Variants in NEBL observed in about 807,000 individuals in gnomAD.
NEBL encodes the protein LIM and SH3 protein 2.
Under a neutral mutation model 140.2 loss-of-function variants are expected in NEBL, and 122 were observed. The ratio of observed to expected loss-of-function variants is 0.87; its 90% CI spans 0.75 to 1.01. The LOEUF is 1.01. Ranked by LOEUF, NEBL falls within the 50% of genes least tolerant of loss-of-function variation. The pLI, the probability that NEBL is intolerant of heterozygous loss-of-function variation, is 0.00. For missense variants in NEBL, 1,365 were observed against 1,231.3 expected (o/e 1.11, Z -1.62); for synonymous variants, 436 against 398.9 (o/e 1.09, Z -1.11).
chr10:21,156,816 T>C (rs1840354011), intron 2 of NEBL, among the ~76,000 whole-genome samples: 1 of 152,206 alleles, frequency 6.6e-6, no homozygotes, highest in South Asian at 2.1e-4. Context: ...AATATTAAGA[T>C]TATAAATCTT....
chr10:20,919,423 A>T (rs1218787105), intron 4 of NEBL, among the ~76,000 whole-genome samples: 1 of 152,162 alleles, frequency 6.6e-6, no homozygotes. Context: ...ATGTTTCTAT[A>T]ATCATGGGAA....
chr10:21,140,654 C>T (rs1839586646), intron 2 of NEBL, among the ~76,000 whole-genome samples: 1 of 152,022 alleles, frequency 6.6e-6, no homozygotes. Context: ...AAAATAAAAT[C>T]ACACAATGAA....
In NEBL at chr10:20,812,815, G is replaced by C. The variant is rs760404070; in HGVS notation, c.2472C>G (p.Val824=). ...TGTCCATCTCCACGATGTGAGGGTG[G>C]ACCCCTTTATAGGCAGCATCGCTGA... ...QVVSDAAYKG[V]HPHIVEMDRR... is the part of the protein sequence containing the mutation. The change falls in exon 24 of 28, where the codon GTC becomes GTG. Residue 824 remains valine (V), a synonymous_variant. Transcript: ENST00000377122. 1 of 1,613,830 alleles carries C rather than the reference G, an allele frequency of 6.2e-7. No individual in the cohort carries two copies. The highest frequency in any genetic ancestry group is 8.5e-7 in the Non-Finnish European group (1 of 1,179,946).
At chr10:21,027,029 C>T (rs1178092996) in intron 2 of NEBL, among the ~76,000 whole-genome samples, 2 of 152,158 alleles carry the variant, frequency 1.3e-5, no homozygotes, top group Admixed American at 6.5e-5. Context: ...AGGAGTTAAG[C>T]GCATCTTGTG....
chr10:21,131,511 A>C (rs1288388203), intron 2 of NEBL, among the ~76,000 whole-genome samples: 2 of 152,178 alleles, frequency 1.3e-5, no homozygotes, highest in Non-Finnish European at 2.9e-5. Context: ...GTACAAATAA[A>C]TAAATAAACA....
intron 4 of NEBL, among the ~76,000 whole-genome samples, chr10:20,936,701 CTG>C (rs907306899): frequency 6.6e-5 from 10 of 152,222 alleles, no homozygotes; most frequent in Non-Finnish European, 1.3e-4. Flanking sequence ...GCAGTGTTTT[CTG>C]TGTTTCAATT....
At chr10:21,248,984 T>C (rs547600265) in intron 2 of NEBL, among the ~76,000 whole-genome samples, 2 of 149,658 alleles carry the variant, frequency 1.3e-5, no homozygotes, top group Non-Finnish European at 2.9e-5. Context: ...TTTAGAGAAA[T>C]ATCTATTTAA....
rs1408123712 is a variant in NEBL at position 20,784,343 on chromosome 10, C to T, written c.*1404G>A. ...ACTCTGGATGAAATTTCAAGACCCACCAGCAAGGGCTAGCATAAAGCCTGC... is the reference window on the plus strand; with the variant it reads ...ACTCTGGATGAAATTTCAAGACCCATCAGCAAGGGCTAGCATAAAGCCTGC... On this transcript the variant is annotated 3_prime_UTR_variant, in exon 28 of 28. Coordinates refer to ENST00000377122, the MANE Select transcript of NEBL (RefSeq NM_006393.3). The T allele has an allele frequency of 3.7e-5, 4 of 106,984 alleles. No homozygotes were observed. Among genetic ancestry groups the T allele is most frequent in the African/African-American group, 1.9e-4 (4 of 21,412 alleles). The allele number at this position is 106,984 out of a possible 1,614,324, so 6.6% of individuals were successfully genotyped here. A position where few individuals can be genotyped will look rare whatever the true frequency, so the allele number is the denominator to read the frequency against.
intron 4 of NEBL, among the ~76,000 whole-genome samples, chr10:20,920,798 T>C (rs1270357201): frequency 1.3e-5 from 2 of 152,066 alleles, no homozygotes; most frequent in Non-Finnish European, 2.9e-5. Context: ...CAAAGCAAAC[T>C]CTACCATTTG....
chr10:21,017,016 T>C (rs1443191409), intron 3 of NEBL, among the ~76,000 whole-genome samples: 1 of 152,216 alleles, frequency 6.6e-6, no homozygotes, highest in Non-Finnish European at 1.5e-5. Context: ...TGCTTACAGA[T>C]CTTTTCTAGG....
At chr10:20,916,928 T>C (rs1368804332) in intron 4 of NEBL, among the ~76,000 whole-genome samples, 5 of 152,192 alleles carry the variant, frequency 3.3e-5, no homozygotes, top group Non-Finnish European at 7.3e-5. Flanking sequence ...CTTTTTTTAG[T>C]TCCAACATTC....
chr10:21,278,699 G>A (rs1842954601), intron 1 of NEBL, among the ~76,000 whole-genome samples: 1 of 152,222 alleles, frequency 6.6e-6, no homozygotes, highest in Admixed American at 6.5e-5. Context: ...GACAGAGGAA[G>A]AGAAGGAGTT....
chr10:20,858,819 C>T lies in NEBL; in HGVS notation c.799-475G>A, dbSNP rs542379734. On this transcript the variant is annotated intron_variant, in intron 8 of 27. Coordinates refer to ENST00000377122, the MANE Select transcript of NEBL (RefSeq NM_006393.3). Reference sequence around the variant, plus strand: ...CATATCACACACTTACTATGTGCCACTTTTCTAAATTCCTTTATATGTATT... The same window carrying T: ...CATATCACACACTTACTATGTGCCATTTTTCTAAATTCCTTTATATGTATT... Among the ~76,000 whole-genome samples, 3 of 152,246 alleles carry T rather than the reference C, an allele frequency of 2.0e-5. No homozygotes were observed. The East Asian group carries it at 5.8e-4, about 29-fold the overall frequency.
chr10:20,951,671 C>G (rs1835472410), intron 4 of NEBL, among the ~76,000 whole-genome samples: 1 of 152,094 alleles, frequency 6.6e-6, no homozygotes, highest in African/African-American at 2.4e-5. Context: ...GGTTTTAAAC[C>G]TGCCTCTAAA....
chr10:20,919,800 TA>T (rs970136393), intron 4 of NEBL, among the ~76,000 whole-genome samples: 1 of 151,706 alleles, frequency 6.6e-6, no homozygotes, highest in Non-Finnish European at 1.5e-5. Context: ...ACAGGAAAAA[TA>T]ACAACTACAT....
intron 3 of NEBL, among the ~76,000 whole-genome samples, chr10:21,236,345 A>ATTTT (rs147170707): frequency 8.0e-6 from 1 of 125,356 alleles, no homozygotes; most frequent in Non-Finnish European, 1.6e-5. Flanking sequence ...CCTTTTTTTA[A>ATTTT]TTTTTTTTTT....
chr10:20,818,583 A>G (rs1838969530), intron 20 of NEBL: 1 of 157,680 alleles, frequency 6.3e-6, no homozygotes, highest in Admixed American at 6.6e-5. Flanking sequence ...CCCTGTTCCA[A>G]TATATATATA....
intron 4 of NEBL, among the ~76,000 whole-genome samples, chr10:20,939,704 G>C (rs954044741): frequency 3.9e-5 from 6 of 152,008 alleles, no homozygotes; most frequent in South Asian, 4.2e-4. Flanking sequence ...CACGTGCAGA[G>C]ACACACATAG....
intron 3 of NEBL, among the ~76,000 whole-genome samples, chr10:20,974,962 T>C (rs556263940): frequency 6.6e-6 from 1 of 152,192 alleles, no homozygotes; most frequent in Non-Finnish European, 1.5e-5. Flanking sequence ...TTATCTTGAT[T>C]GTATTTCTAT....
Sources: allele counts gnomAD v4.1 joint callset (sites outside exome capture counted in the v4.1 genomes callset), GRCh38; gene constraint gnomAD v4.1.1; transcripts MANE v1.5; gene names NCBI Gene and HGNC (gene_info 2026-07-23, HGNC 2026-07-21).